Variants in MAGI2 observed in about 807,000 individuals in gnomAD.
MAGI2 encodes the protein membrane associated guanylate kinase, WW and PDZ domain containing 2.
In MAGI2, 35 loss-of-function variants were observed where a neutral mutation model predicts 133.3. That is an observed-to-expected ratio of 0.26 (90% CI 0.20 to 0.35). The LOEUF (loss-of-function observed/expected upper bound fraction) is 0.35, where lower values mean the gene tolerates loss of function less well. Ranked by LOEUF, MAGI2 falls within the 10% of genes least tolerant of loss-of-function variation. The pLI, the probability that MAGI2 is intolerant of heterozygous loss-of-function variation, is 1.00. For missense variants in MAGI2, 1,636 were observed against 1,863.4 expected, an observed-to-expected ratio of 0.88 and a Z score of 2.25; for synonymous variants, 729 against 710.6, an observed-to-expected ratio of 1.03 and a Z score of -0.41.
chr7:79,266,659 T>A (rs766093790), intron 1 of MAGI2, among the ~76,000 whole-genome samples: 10 of 152,186 alleles, frequency 6.6e-5, no homozygotes, highest in Non-Finnish European at 1.5e-4. Flanking sequence ...CATGGCAACA[T>A]TTTTCTTAAT....
intron 20 of MAGI2, among the ~76,000 whole-genome samples, chr7:78,085,880 C>T (rs150294981): frequency 0.013 from 1,812 of 144,608 alleles, 19 homozygotes; most frequent in Non-Finnish European, 0.017. Context: ...AGAAAATATC[C>T]GGCCTTTGAC....
intron 18 of MAGI2, 134 bp downstream of exon 18, chr7:78,132,755 C>G: frequency 7.6e-7 from 1 of 1,311,932 alleles, no homozygotes; most frequent in Non-Finnish European, 1.1e-6. Context: ...ACCTCGAAAT[C>G]ACACAAAGGT....
chr7:78,575,332 C>G (rs1308604110), intron 3 of MAGI2, among the ~76,000 whole-genome samples: 1 of 151,926 alleles, frequency 6.6e-6, no homozygotes, highest in Non-Finnish European at 1.5e-5. Flanking sequence ...TTTGCACCAA[C>G]CTAATGATTG....
chr7:78,526,548 TA>T (rs1796969137), intron 3 of MAGI2, among the ~76,000 whole-genome samples: 1 of 152,222 alleles, frequency 6.6e-6, no homozygotes, highest in African/African-American at 2.4e-5. Context: ...GGAAAATCTA[TA>T]AATTTACATA....
chr7:78,187,884 A>G (rs534714868), intron 12 of MAGI2, among the ~76,000 whole-genome samples: 1 of 152,314 alleles, frequency 6.6e-6, no homozygotes, highest in African/African-American at 2.4e-5. Flanking sequence ...ATATTAATTC[A>G]TGAATATACA....
intron 3 of MAGI2, among the ~76,000 whole-genome samples, chr7:78,604,188 T>C (rs38094): frequency 0.53 from 81,054 of 151,924 alleles, 22,122 homozygotes; most frequent in East Asian, 0.73. Flanking sequence ...GGAAAGAATA[T>C]TGGGGACAGG....
chr7:78,207,290 G>A (rs1787198817), intron 10 of MAGI2, among the ~76,000 whole-genome samples: 1 of 152,014 alleles, frequency 6.6e-6, no homozygotes, highest in South Asian at 2.1e-4. Flanking sequence ...CTACATTTCT[G>A]AAAATATTTC....
intron 1 of MAGI2, among the ~76,000 whole-genome samples, chr7:79,152,363 C>T (rs538444725): frequency 6.6e-6 from 1 of 152,136 alleles, no homozygotes; most frequent in Non-Finnish European, 1.5e-5. Context: ...GCACCTTGTG[C>T]TTTTTGGTAG....
intron 6 of MAGI2, among the ~76,000 whole-genome samples, chr7:78,459,135 A>ACACTTCTGT (rs1216776978): frequency 1.3e-5 from 2 of 152,160 alleles, no homozygotes; most frequent in Admixed American, 1.3e-4. Flanking sequence ...AACTGCTTCT[A>ACACTTCTGT]CACTTCTGTC....
In MAGI2 at chr7:79,074,967, T is replaced by C. The variant is rs142021418; in HGVS notation, c.302-67761A>G. Among the ~76,000 whole-genome samples the C allele has an allele frequency of 9.3e-3, 1,421 of 152,352 alleles. 9 individuals carry two copies. The highest frequency in any genetic ancestry group is 0.024 in the Middle Eastern group (7 of 294). On this transcript the variant is annotated intron_variant, in intron 1 of 21. Transcript: ENST00000354212. ...TTGGTATAATGGTTCAAATATTTCA[T>C]GAGAAACTAAATCTTTCTGTCTTGT...
At chr7:78,372,707 A>C (rs10245130) in intron 6 of MAGI2, among the ~76,000 whole-genome samples, 124,992 of 152,152 alleles carry the variant, frequency 0.82, 51,469 homozygotes, top group Admixed American at 0.85. Flanking sequence ...TGTAGTCAAT[A>C]ATATCAGCTT....
intron 2 of MAGI2, among the ~76,000 whole-genome samples, chr7:78,992,754 T>C (rs1163959587): frequency 2.0e-5 from 3 of 152,036 alleles, no homozygotes; most frequent in Non-Finnish European, 2.9e-5. Flanking sequence ...ATATCATGAT[T>C]CTTTAATGAG....
At chr7:78,973,796 C>A (rs575766184) in intron 2 of MAGI2, among the ~76,000 whole-genome samples, 3 of 151,794 alleles carry the variant, frequency 2.0e-5, no homozygotes, top group African/African-American at 7.3e-5. Flanking sequence ...CTTGAAATCA[C>A]AGATTGCAAG....
intron 1 of MAGI2, among the ~76,000 whole-genome samples, chr7:79,024,515 G>GCAAAACAAAA (rs138227043): frequency 6.6e-6 from 1 of 150,532 alleles, no homozygotes; most frequent in African/African-American, 2.4e-5. Context: ...CTTCTGCATA[G>GCAAAACAAAA]CAAAACAAAA....
intron 1 of MAGI2, among the ~76,000 whole-genome samples, chr7:79,295,393 T>C (rs1445031117): frequency 6.6e-6 from 1 of 152,124 alleles, no homozygotes; most frequent in Admixed American, 6.5e-5. Flanking sequence ...AAATAATCAG[T>C]GCTATCACCT....
chr7:78,578,784 C>G (rs1380076321), intron 3 of MAGI2, among the ~76,000 whole-genome samples: 1 of 152,152 alleles, frequency 6.6e-6, no homozygotes, highest in African/African-American at 2.4e-5. Flanking sequence ...AACCACTGTT[C>G]ATGACTCTCA....
intron 1 of MAGI2, among the ~76,000 whole-genome samples, chr7:79,311,605 T>C (rs1378755175): frequency 6.6e-6 from 1 of 152,076 alleles, no homozygotes; most frequent in Admixed American, 6.6e-5. Context: ...TTATTTGATG[T>C]TTCATCAGTT....
chr7:79,069,219 A>T (rs1814699612), intron 1 of MAGI2, among the ~76,000 whole-genome samples: 1 of 152,000 alleles, frequency 6.6e-6, no homozygotes, highest in Non-Finnish European at 1.5e-5. Flanking sequence ...TCCTACTAGT[A>T]TTGTGTGGGA....
At chr7:79,311,765 C>A (rs1838311223) in intron 1 of MAGI2, among the ~76,000 whole-genome samples, 2 of 152,212 alleles carry the variant, frequency 1.3e-5, no homozygotes, top group Non-Finnish European at 2.9e-5. Flanking sequence ...AATATTGTAA[C>A]CACTTGCTCT....
Sources: allele counts gnomAD v4.1 joint callset (sites outside exome capture counted in the v4.1 genomes callset), GRCh38; gene constraint gnomAD v4.1.1; transcripts MANE v1.5; gene names NCBI Gene and HGNC (gene_info 2026-07-23, HGNC 2026-07-21).